The following COL22A1 variants were observed in gnomAD, a reference collection of about 807,000 sequenced individuals.
COL22A1 encodes the protein collagen type XXII alpha 1 chain.
In COL22A1, 221 loss-of-function variants were observed where a neutral mutation model predicts 248.9. The ratio of observed to expected loss-of-function variants is 0.89; its 90% CI spans 0.80 to 0.99. The LOEUF is 0.99. Ranked by LOEUF, COL22A1 falls within the 50% of genes least tolerant of loss-of-function variation. The probability of loss-of-function intolerance (pLI) is 0.00; values close to 1 mark genes in which losing one functional copy is unlikely to be tolerated. For missense variants in COL22A1, 2,240 were observed against 2,179.0 expected (o/e 1.03, Z -0.56); for synonymous variants, 891 against 793.4 (o/e 1.12, Z -2.07).
chr8:138,768,534 T>C lies in COL22A1; in HGVS notation c.1804-6068A>G, dbSNP rs76721849. Among the ~76,000 whole-genome samples, 1,045 of 152,340 alleles carry C rather than the reference T, an allele frequency of 6.9e-3. 7 individuals are homozygous for C. Among genetic ancestry groups the C allele is most frequent in the African/African-American group, 0.024 (992 of 41,566 alleles). On this transcript the variant is annotated intron_variant, in intron 16 of 64. Transcript: ENST00000303045. ...CCCTAGCAATCACAACGGACTCGTT[T>C]ATTAAATAGGAATATGTAAAGTACC...
intron 3 of COL22A1, among the ~76,000 whole-genome samples, chr8:138,870,795 AGAGT>A (rs201443600): frequency 0.011 from 1,657 of 147,720 alleles, 38 homozygotes; most frequent in African/African-American, 0.04. Context: ...TGTAGTGTGG[AGAGT>A]GTGTGTGGTG....
intron 3 of COL22A1, among the ~76,000 whole-genome samples, chr8:138,858,501 T>G (rs1822214110): frequency 6.6e-6 from 1 of 152,088 alleles, no homozygotes; most frequent in South Asian, 2.1e-4. Context: ...CCACCCCAGC[T>G]TCCTGAGTAG....
intron 25 of COL22A1, 112 bp from the exon 26 acceptor site, chr8:138,722,201 G>C (rs201233473): frequency 4.8e-6 from 4 of 834,406 alleles, no homozygotes; most frequent in Admixed American, 2.7e-5. Flanking sequence ...CAGGAGGCTC[G>C]GGCGTCTGCT....
At chr8:138,730,935 T>C (rs1306495463) in intron 23 of COL22A1, among the ~76,000 whole-genome samples, 2 of 151,928 alleles carry the variant, frequency 1.3e-5, no homozygotes, top group African/African-American at 4.8e-5. Context: ...AAAACAAGGC[T>C]TTGTCTTCGA....
rs1820182523 is a variant in COL22A1, at chr8:138,833,232, A to G, written c.734-82T>C. On this transcript the variant is annotated intron_variant, in intron 4 of 64. Transcript: ENST00000303045. The stretch of plus-strand genomic sequence containing the variant: ...AGGAAAATCACATCCGCTGTCTGCA[A>G]AGGCAGCCTGCCCATCCTGCCCCAG... The G allele has an allele frequency of 9.7e-6, 9 of 932,262 alleles. No individual in the cohort carries two copies. In the South Asian group the frequency reaches 1.1e-4, roughly 11 times the overall value. The allele number at this position is 932,262 out of a possible 1,614,324, so 57.7% of individuals were successfully genotyped here. A position where few individuals can be genotyped will look rare whatever the true frequency, so the allele number is the denominator to read the frequency against.
chr8:138,881,299 G>GAAAA (rs60720644), intron 2 of COL22A1, among the ~76,000 whole-genome samples: 5,047 of 139,174 alleles, frequency 0.036, 149 homozygotes, highest in Middle Eastern at 0.064. Flanking sequence ...GAGAGGCTCA[G>GAAAA]AAAAAAAAAA....
chr8:138,589,492 G>C (rs1290703506), intron 64 of COL22A1, 52 bp from the exon 65 acceptor site: 3 of 1,388,896 alleles, frequency 2.2e-6, no homozygotes, highest in African/African-American at 3.0e-5. Context: ...CTTCTGGGAG[G>C]GGATGGGCCC....
At chr8:138,905,642 T>C (rs1053552202) in intron 1 of COL22A1, among the ~76,000 whole-genome samples, 3 of 152,128 alleles carry the variant, frequency 2.0e-5, no homozygotes, top group Non-Finnish European at 2.9e-5. Flanking sequence ...CTGTGCCAGA[T>C]TATAAATTCC....
intron 3 of COL22A1, among the ~76,000 whole-genome samples, chr8:138,856,799 G>T (rs1353181013): frequency 6.6e-6 from 1 of 152,180 alleles, no homozygotes; most frequent in Admixed American, 6.5e-5. Context: ...GTCCCTTCCT[G>T]CCAGCGCCTT....
At chr8:138,612,423 C>G (rs543965256) in intron 56 of COL22A1, among the ~76,000 whole-genome samples, 23 of 152,264 alleles carry the variant, frequency 1.5e-4, no homozygotes, top group African/African-American at 5.3e-4. Flanking sequence ...TGTGCACAAA[C>G]AGGCAGATAT....
At chr8:138,840,107 A>C (rs1475645672) in intron 4 of COL22A1, among the ~76,000 whole-genome samples, 1 of 152,104 alleles carries the variant, frequency 6.6e-6, no homozygotes, top group African/African-American at 2.4e-5. Context: ...CCTGGAGGTG[A>C]GGCTTTTGGG....
At chr8:138,705,271 A>T (rs1391190068) in intron 30 of COL22A1, among the ~76,000 whole-genome samples, 1 of 152,186 alleles carries the variant, frequency 6.6e-6, no homozygotes, top group African/African-American at 2.4e-5. Flanking sequence ...AAATTCAGGA[A>T]ATACAGAGAA....
intron 3 of COL22A1, among the ~76,000 whole-genome samples, chr8:138,873,939 T>G (rs564200207): frequency 1.3e-5 from 2 of 152,180 alleles, no homozygotes; most frequent in Non-Finnish European, 2.9e-5. Flanking sequence ...ATTTTCCAGG[T>G]CATCAATAAG....
chr8:138,608,653 C>T (rs551664475), intron 56 of COL22A1, among the ~76,000 whole-genome samples: 3 of 152,280 alleles, frequency 2.0e-5, no homozygotes, highest in African/African-American at 7.2e-5. Flanking sequence ...AAACAGGATC[C>T]CAGTAGAGTA....
chr8:138,761,663 T>C (rs1833495990), intron 17 of COL22A1, among the ~76,000 whole-genome samples: 1 of 152,110 alleles, frequency 6.6e-6, no homozygotes, highest in South Asian at 2.1e-4. Context: ...CTATGCAACA[T>C]AGTATTTTAC....
At chr8:138,883,915 G>A (rs796727282) in intron 1 of COL22A1, among the ~76,000 whole-genome samples, 10 of 152,192 alleles carry the variant, frequency 6.6e-5, no homozygotes, top group African/African-American at 1.9e-4. Context: ...CAGTGTCACC[G>A]TCCTCATCTG....
intron 32 of COL22A1, among the ~76,000 whole-genome samples, chr8:138,699,804 T>C (rs983029599): frequency 1.3e-5 from 2 of 152,234 alleles, no homozygotes; most frequent in Admixed American, 6.5e-5. Flanking sequence ...TCTGTTCTCC[T>C]CAAAACCACC....
At chr8:138,754,533 A>AC (rs2131357551) in intron 21 of COL22A1, among the ~76,000 whole-genome samples, 2 of 152,384 alleles carry the variant, frequency 1.3e-5, no homozygotes, top group African/African-American at 4.8e-5. Flanking sequence ...CTTGAAAGCA[A>AC]CAGCAGCACA....
intron 12 of COL22A1, among the ~76,000 whole-genome samples, chr8:138,791,912 T>G (rs1816082758): frequency 6.6e-6 from 1 of 152,174 alleles, no homozygotes; most frequent in South Asian, 2.1e-4. Context: ...CTTGCTGATT[T>G]TTTTTTTCTG....
Sources: allele counts gnomAD v4.1 joint callset (sites outside exome capture counted in the v4.1 genomes callset), GRCh38; gene constraint gnomAD v4.1.1; transcripts MANE v1.5; gene names NCBI Gene and HGNC (gene_info 2026-07-23, HGNC 2026-07-21).